Variants in CCDC33 observed in about 807,000 individuals in gnomAD.
CCDC33 encodes the protein coiled-coil domain containing 33.
In CCDC33, 94 loss-of-function variants were observed where a neutral mutation model predicts 91.9. That is an observed-to-expected ratio of 1.02 (90% CI 0.87 to 1.21). The LOEUF is 1.21. Ranked by LOEUF, CCDC33 falls within the 50% of genes most tolerant of loss-of-function variation. The pLI is 0.00. For missense variants in CCDC33, 940 were observed against 935.5 expected (o/e 1.00, Z -0.06); for synonymous variants, 396 against 374.5 (o/e 1.06, Z -0.66).
At chr15:74,335,827 TG>T in intron 18 of CCDC33, 97 bp from the exon 19 acceptor site, 2 of 921,004 alleles carry the variant, frequency 2.2e-6, no homozygotes, top group Non-Finnish European at 1.7e-6. Flanking sequence ...CACTGGATTC[TG>T]GATACTCTGA....
chr15:74,221,037 G>A (rs149034626), intron 2 of CCDC33, among the ~76,000 whole-genome samples: 1 of 152,228 alleles, frequency 6.6e-6, no homozygotes, highest in Non-Finnish European at 1.5e-5. Context: ...GGCTCCAGAT[G>A]CAAATGTCTA....
intron 12 of CCDC33, 82 bp downstream of exon 12, chr15:74,330,436 C>A: frequency 1.4e-6 from 2 of 1,416,318 alleles, no homozygotes; most frequent in Non-Finnish European, 1.9e-6. Flanking sequence ...TGGCTGGGAG[C>A]TTCTCCCAGA....
intron 7 of CCDC33, among the ~76,000 whole-genome samples, chr15:74,279,179 T>A (rs1414574753): frequency 6.6e-6 from 1 of 152,154 alleles, no homozygotes; most frequent in Non-Finnish European, 1.5e-5. Flanking sequence ...ATTTGCGACA[T>A]GAAGATATGT....
chr15:74,266,772 C>T lies in CCDC33; in HGVS notation c.414C>T (p.His138=), dbSNP rs1379563980. 2 of 1,613,630 alleles carry T rather than the reference C, an allele frequency of 1.2e-6. No individual in the cohort carries two copies. The highest frequency in any genetic ancestry group is 1.7e-6 in the Non-Finnish European group (2 of 1,179,526). The change falls in exon 4 of 19, where the codon CAC becomes CAT. Residue 138 remains histidine (H), a synonymous_variant. Coordinates refer to ENST00000398814, the MANE Select transcript of CCDC33 (RefSeq NM_025055.5). ...ACCTGCGTGTCTTCCACCCCTACCA[C>T]TTTGAGCTGGTGAAGGTGAGTCAGA... ...IKYLRVFHPY[H]FELVKPTESG...
At chr15:74,296,928 C>T (rs980676465) in intron 11 of CCDC33, among the ~76,000 whole-genome samples, 7 of 152,192 alleles carry the variant, frequency 4.6e-5, no homozygotes, top group Admixed American at 2.0e-4. Context: ...CCATGGGGAA[C>T]GCTGCTCTGG....
chr15:74,221,395 C>T (rs557622496), intron 2 of CCDC33: 117 of 831,448 alleles, frequency 1.4e-4, no homozygotes, highest in East Asian at 4.9e-4. Context: ...CAAACTTCCA[C>T]GACTGGCTTT....
intron 11 of CCDC33, among the ~76,000 whole-genome samples, chr15:74,326,058 C>T (rs746636692): frequency 3.4e-4 from 51 of 152,232 alleles, no homozygotes; most frequent in Non-Finnish European, 6.8e-4. Flanking sequence ...GGCAGAATGG[C>T]TCATGCCTAT....
chr15:74,225,906 A>G (rs576946005), intron 2 of CCDC33, among the ~76,000 whole-genome samples: 2 of 152,288 alleles, frequency 1.3e-5, no homozygotes, highest in East Asian at 1.9e-4. Context: ...CTAGTTCTGC[A>G]GAGTCCTGGG....
chr15:74,263,049 T>A (rs923830342), intron 3 of CCDC33, among the ~76,000 whole-genome samples: 3 of 152,206 alleles, frequency 2.0e-5, no homozygotes, highest in Admixed American at 6.5e-5. Flanking sequence ...AGCTCCAGGG[T>A]TCCCGCTGCT....
chr15:74,326,554 G>A (rs192477707), intron 11 of CCDC33, among the ~76,000 whole-genome samples: 2 of 152,202 alleles, frequency 1.3e-5, no homozygotes, highest in African/African-American at 2.4e-5. Flanking sequence ...GGCCACCAGC[G>A]CTCAGTGGCA....
chr15:74,292,293 C>G (rs562576425), intron 10 of CCDC33, among the ~76,000 whole-genome samples: 1 of 152,306 alleles, frequency 6.6e-6, no homozygotes, highest in East Asian at 1.9e-4. Context: ...CTCACCATCT[C>G]CTATGGGTTG....
Position 74,266,795 on chromosome 15 carries a change from A to T in CCDC33, c.429+8A>T. The T allele has an allele frequency of 6.2e-7, 1 of 1,604,456 alleles. No individual in the cohort carries two copies. The highest frequency in any genetic ancestry group is 8.5e-7 in the Non-Finnish European group (1 of 1,171,286). On this transcript the variant is annotated splice_region_variant and intron_variant, in intron 4 of 18. Coordinates refer to ENST00000398814, the MANE Select transcript of CCDC33 (RefSeq NM_025055.5). ...CACTTTGAGCTGGTGAAGGTGAGTC[A>T]GAGGCCTGGGGAAGTGCCGGGAGAG...
At chr15:74,336,166 G>T (rs2060564028), downstream of CCDC33, 8 of 1,484,382 alleles carry the variant, frequency 5.4e-6, no homozygotes, top group African/African-American at 1.4e-5. Flanking sequence ...CCTGGAGCAG[G>T]GCAGCCTGGG....
intron 17 of CCDC33, among the ~76,000 whole-genome samples, chr15:74,334,316 G>C (rs1362433005): frequency 6.6e-6 from 1 of 151,868 alleles, no homozygotes. Context: ...TCAGGGTCAG[G>C]GCTCAGTGTA....
intron 11 of CCDC33, among the ~76,000 whole-genome samples, chr15:74,322,658 G>A (rs563344719): frequency 3.2e-4 from 49 of 152,338 alleles, no homozygotes; most frequent in African/African-American, 1.1e-3. Flanking sequence ...ACTGGGGAGA[G>A]AGACAGCTCC....
rs1240468383 is a variant in CCDC33 at position 74,313,731 on chromosome 15, CA to C, written c.1291-16456del. On this transcript the variant is annotated intron_variant, in intron 11 of 18. Coordinates refer to ENST00000398814, the MANE Select transcript of CCDC33 (RefSeq NM_025055.5). ...CTGGCCCTGCCACAGAAGTGCTAGG[CA>C]ACTTCTTACCCTGTCTGGGCTCTGG... 2.6e-5 allele frequency among the ~76,000 whole-genome samples: 4 copies of C among 152,294 alleles called. No homozygotes were observed. In the South Asian group the frequency reaches 8.3e-4, roughly 32 times the overall value.
chr15:74,226,653 C>G (rs2074806023), intron 2 of CCDC33, among the ~76,000 whole-genome samples: 1 of 151,986 alleles, frequency 6.6e-6, no homozygotes, highest in African/African-American at 2.4e-5. Flanking sequence ...ATGGTGAAAC[C>G]CCGTCTCTAC....
chr15:74,322,965 A>G (rs1457508258), intron 11 of CCDC33, among the ~76,000 whole-genome samples: 1 of 152,154 alleles, frequency 6.6e-6, no homozygotes, highest in East Asian at 1.9e-4. Context: ...CAGACCCAGC[A>G]ACCTGTCTCA....
At chr15:74,324,122 A>G (rs2060261253) in intron 11 of CCDC33, among the ~76,000 whole-genome samples, 2 of 146,230 alleles carry the variant, frequency 1.4e-5, no homozygotes, top group Admixed American at 1.4e-4. Flanking sequence ...AGTGTGAGCC[A>G]CTGTGCCTGA....
Sources: allele counts gnomAD v4.1 joint callset (sites outside exome capture counted in the v4.1 genomes callset), GRCh38; gene constraint gnomAD v4.1.1; transcripts MANE v1.5; gene names NCBI Gene and HGNC (gene_info 2026-07-23, HGNC 2026-07-21).